RAB11FIP4: variants seen among roughly 807,000 people sequenced by gnomAD.
RAB11FIP4 encodes the protein RAB11 family interacting protein 4.
Under a neutral mutation model 74.3 loss-of-function variants are expected in RAB11FIP4, and 23 were observed. The ratio of observed to expected loss-of-function variants is 0.31; its 90% CI spans 0.22 to 0.44. The LOEUF is 0.44. Ranked by LOEUF, RAB11FIP4 falls within the 20% of genes least tolerant of loss-of-function variation. The pLI is 1.00. For synonymous variants in RAB11FIP4, 360 were observed against 359.9 expected (o/e 1.00, Z 0.00); for missense variants, 630 against 863.9 (o/e 0.73, Z 3.39).
rs1873495073 is a variant in RAB11FIP4, at chr17:31,391,721, G to GCCGCCA, written c.-128_-123dup. 3.1e-6 allele frequency: 2 copies of GCCGCCA among 646,120 alleles called. No homozygotes were observed. The highest frequency in any genetic ancestry group is 3.8e-6 in the Non-Finnish European group (2 of 521,292). 40.0% of individuals were successfully genotyped at this position (646,120 alleles called of 1,614,324 possible). A position where few individuals can be genotyped will look rare whatever the true frequency, so the allele number is the denominator to read the frequency against. On this transcript the variant is annotated 5_prime_UTR_variant, in exon 1 of 15. Coordinates refer to ENST00000621161, the MANE Select transcript of RAB11FIP4 (RefSeq NM_032932.6). ...CCGCTGCTGACACGGATCGGCCGCG[G>GCCGCCA]CCGCCACCGGGCGGAGGCTGCGCGG...
intron 3 of RAB11FIP4, among the ~76,000 whole-genome samples, chr17:31,491,845 G>T (rs1448454936): frequency 6.6e-6 from 1 of 152,212 alleles, no homozygotes; most frequent in Admixed American, 6.5e-5. Flanking sequence ...GGCATTTCTG[G>T]AGGACAGGCT....
In RAB11FIP4 at chr17:31,531,887, T is replaced by C; in HGVS notation, c.*155T>C. The C allele has an allele frequency of 3.1e-6, 2 of 637,420 alleles. No homozygotes were observed. 39.5% of individuals were successfully genotyped at this position (637,420 alleles called of 1,614,324 possible). The stretch of plus-strand genomic sequence containing the variant: ...TACCCGTGTATATGTGGGGAGGCTG[T>C]GCACACGAGCGAGGGGTGAGTGGCC... On this transcript the variant is annotated 3_prime_UTR_variant, in exon 15 of 15. Transcript: ENST00000621161.
intron 1 of RAB11FIP4, among the ~76,000 whole-genome samples, chr17:31,398,429 G>A (rs766740100): frequency 1.3e-5 from 2 of 152,202 alleles, no homozygotes; most frequent in African/African-American, 2.4e-5. Flanking sequence ...TTCTAGAGAA[G>A]GAGGAAATGC....
intron 1 of RAB11FIP4, among the ~76,000 whole-genome samples, chr17:31,394,945 G>GT (rs1567641168): frequency 7.2e-6 from 1 of 138,300 alleles, no homozygotes; most frequent in African/African-American, 2.6e-5. Flanking sequence ...GGGCGGGGGG[G>GT]GGGGGCTCCC....
At chr17:31,433,916 G>A in intron 2 of RAB11FIP4, 118 bp from the exon 3 acceptor site, 1 of 954,010 alleles carries the variant, frequency 1.0e-6, no homozygotes, top group Non-Finnish European at 1.6e-6. Context: ...TGGCCTCCTG[G>A]AGCCTCGGGC....
In RAB11FIP4 at chr17:31,437,856, C is replaced by T. The variant is rs74938011; in HGVS notation, c.336+3734C>T. Reference sequence around the variant, plus strand: ...GGGGCCCCTGGGGTTGCTGTCCAGACCTCAGGCCAGTGCAAGTCTATCCCG... The same window carrying T: ...GGGGCCCCTGGGGTTGCTGTCCAGATCTCAGGCCAGTGCAAGTCTATCCCG... On this transcript the variant is annotated intron_variant, in intron 3 of 14. Coordinates refer to ENST00000621161, the MANE Select transcript of RAB11FIP4 (RefSeq NM_032932.6). Among the ~76,000 whole-genome samples, 86 of 152,218 alleles carry T rather than the reference C, an allele frequency of 5.6e-4. 1 individual carries two copies. The East Asian group carries it at 6.4e-3, about 11-fold the overall frequency.
At position 31,433,534 on chromosome 17, in the gene RAB11FIP4, C is replaced by T. The variant is rs552717585; in HGVS notation, c.248-500C>T. ...CTCCCAGTTCAGTACAACCTTGGGG[C>T]GTTTGGTTGGGATCTCAGGAGCGAG... On this transcript the variant is annotated intron_variant, in intron 2 of 14. Coordinates refer to ENST00000621161, the MANE Select transcript of RAB11FIP4 (RefSeq NM_032932.6). Among the ~76,000 whole-genome samples, 6 of 152,322 alleles carry T rather than the reference C, an allele frequency of 3.9e-5. No individual in the cohort carries two copies. In the East Asian group the frequency reaches 7.7e-4, roughly 20 times the overall value.
intron 3 of RAB11FIP4, among the ~76,000 whole-genome samples, chr17:31,516,541 C>A (rs1388557972): frequency 6.6e-6 from 1 of 152,252 alleles, no homozygotes; most frequent in African/African-American, 2.4e-5. Context: ...GCTATCTTGG[C>A]TCACCGCAAG....
chr17:31,394,024 G>C (rs1006209445), intron 1 of RAB11FIP4, among the ~76,000 whole-genome samples: 3 of 152,162 alleles, frequency 2.0e-5, no homozygotes, highest in African/African-American at 7.2e-5. Flanking sequence ...GAAACCTCCA[G>C]GGATCTGTTT....
chr17:31,488,033 C>G (rs1273579286), intron 3 of RAB11FIP4: 1 of 1,013,542 alleles, frequency 9.9e-7, no homozygotes, highest in East Asian at 9.6e-5. Context: ...CGTGATGTCA[C>G]CGCAGCTTGA....
intron 3 of RAB11FIP4, among the ~76,000 whole-genome samples, chr17:31,486,194 A>G (rs1223048096): frequency 6.6e-6 from 1 of 151,842 alleles, no homozygotes; most frequent in East Asian, 2.0e-4. Flanking sequence ...AGCTCACGCC[A>G]CTGCACTCCA....
At chr17:31,511,798 C>T (rs1189898832) in intron 3 of RAB11FIP4, among the ~76,000 whole-genome samples, 1 of 152,254 alleles carries the variant, frequency 6.6e-6, no homozygotes, top group African/African-American at 2.4e-5. Context: ...TGTATTGATA[C>T]TTGGCCTTTT....
At chr17:31,445,477 A>G (rs955824086) in intron 3 of RAB11FIP4, among the ~76,000 whole-genome samples, 2 of 147,420 alleles carry the variant, frequency 1.4e-5, no homozygotes, top group Non-Finnish European at 3.0e-5. Context: ...CAGGAAACTT[A>G]ACATTGGCAC....
intron 3 of RAB11FIP4, among the ~76,000 whole-genome samples, chr17:31,517,322 G>A (rs1264252279): frequency 6.6e-6 from 1 of 151,772 alleles, no homozygotes; most frequent in Non-Finnish European, 1.5e-5. Context: ...TATGTTCCCT[G>A]CCTCCAGACC....
At chr17:31,437,701 C>T (rs892958802) in intron 3 of RAB11FIP4, among the ~76,000 whole-genome samples, 3 of 152,166 alleles carry the variant, frequency 2.0e-5, no homozygotes, top group Admixed American at 6.5e-5. Flanking sequence ...GGATGTGGCT[C>T]GTAATTAAAG....
chr17:31,425,933 G>A (rs537534887), intron 1 of RAB11FIP4, among the ~76,000 whole-genome samples: 2 of 152,160 alleles, frequency 1.3e-5, no homozygotes, highest in African/African-American at 2.4e-5. Context: ...TGCTCCCTGC[G>A]TGACCTTGAG....
chr17:31,530,253 T>C (rs1264276988), intron 13 of RAB11FIP4, 73 bp from the exon 14 acceptor site: 24 of 1,570,646 alleles, frequency 1.5e-5, no homozygotes, highest in Non-Finnish European at 2.0e-5. Flanking sequence ...GGACGGTGGA[T>C]GTGGAGAAGT....
At chr17:31,505,855 A>G (rs2072338669) in intron 3 of RAB11FIP4, among the ~76,000 whole-genome samples, 1 of 147,290 alleles carries the variant, frequency 6.8e-6, no homozygotes, top group Admixed American at 7.0e-5. Context: ...ACAGGCATGC[A>G]CCACCTGGCT....
intron 3 of RAB11FIP4, chr17:31,488,038 G>A (rs2142746650): frequency 9.9e-7 from 1 of 1,014,016 alleles, no homozygotes; most frequent in South Asian, 4.6e-5. Flanking sequence ...TGTCACCGCA[G>A]CTTGATACAA....
Sources: gnomAD v4.1 joint callset for allele counts (sites outside exome capture counted in the v4.1 genomes callset) on GRCh38, gnomAD v4.1.1 for gene constraint, MANE v1.5 for transcripts, NCBI Gene and HGNC (gene_info 2026-07-23, HGNC 2026-07-21) for gene names.